The following DENND4A variants were observed in gnomAD, a reference collection of about 807,000 sequenced individuals.
DENND4A encodes the protein DENN domain containing 4A, also known as C-myc promoter-binding protein.
A neutral mutation model predicts 199.3 loss-of-function variants in DENND4A; 70 were observed. The observed-to-expected ratio is 0.35, with a 90% CI of 0.29 to 0.43. The LOEUF is 0.43. Ranked by LOEUF, DENND4A falls within the 20% of genes least tolerant of loss-of-function variation. The probability of loss-of-function intolerance (pLI) is 1.00; values close to 1 mark genes in which losing one functional copy is unlikely to be tolerated. For missense variants in DENND4A, 1,723 were observed against 2,255.8 expected (o/e 0.76, Z 4.78); for synonymous variants, 686 against 766.9 (o/e 0.89, Z 1.74).
intron 23 of DENND4A, among the ~76,000 whole-genome samples, chr15:65,686,197 C>T (rs990316563): frequency 6.6e-6 from 1 of 152,162 alleles, no homozygotes; most frequent in African/African-American, 2.4e-5. Context: ...CTTTTAAAAT[C>T]CCTCAGTAAT....
intron 22 of DENND4A, 47 bp downstream of exon 22, chr15:65,696,318 CA>C: frequency 6.3e-7 from 1 of 1,576,036 alleles, no homozygotes; most frequent in Non-Finnish European, 8.6e-7. Flanking sequence ...ACTAGTCATA[CA>C]GATACAATTT....
At chr15:65,743,603 T>G (rs1354362023) in intron 4 of DENND4A, among the ~76,000 whole-genome samples, 1 of 152,246 alleles carries the variant, frequency 6.6e-6, no homozygotes, top group Non-Finnish European at 1.5e-5. Context: ...TTAAAAGTTA[T>G]TTGTTTAAAA....
chr15:65,690,568 T>C lies in DENND4A; in HGVS notation c.4026A>G (p.Thr1342=). 1 of 1,613,728 alleles carries C rather than the reference T, an allele frequency of 6.2e-7. No homozygotes were observed. The highest frequency in any genetic ancestry group is 8.5e-7 in the Non-Finnish European group (1 of 1,179,750). ...TCPFREESQD[T]LTHSSPSFNL... Reference sequence around the variant, plus strand: ...TAAATGAAGGTGATGAGTGGGTTAATGTATCCTGAGATTCTTCCCTAAATG... The same window carrying C: ...TAAATGAAGGTGATGAGTGGGTTAACGTATCCTGAGATTCTTCCCTAAATG... Residue 1342 remains threonine (T), a synonymous_variant, in exon 23 of 33, where the codon ACA becomes ACG. Transcript: ENST00000443035.
intron 21 of DENND4A, 133 bp from the exon 22 acceptor site, chr15:65,696,630 CTGTT>C (rs771416026): frequency 3.5e-6 from 2 of 572,686 alleles, no homozygotes; most frequent in Admixed American, 3.3e-5. Context: ...ACCTCTATAT[CTGTT>C]TGTCAACCAC....
At chr15:65,790,689 AAAG>A (rs1291293424) in intron 1 of DENND4A, among the ~76,000 whole-genome samples, 1 of 152,218 alleles carries the variant, frequency 6.6e-6, no homozygotes, top group Non-Finnish European at 1.5e-5. Context: ...AGTTTCCAAA[AAAG>A]AAGCCAAATA....
In DENND4A at chr15:65,671,839, A is replaced by T; in HGVS notation, c.4417T>A (p.Ser1473Thr). Residue 1473 changes from serine to threonine, a missense_variant, in exon 25 of 33, where the codon TCC (serine) becomes ACC (threonine). Ser to Thr is a moderately conservative substitution (Grantham distance 58). Around this residue, in one of 6 missense-constraint regions of DENND4A, gnomAD observed 650 missense variants for 738.1 expected, o/e 0.88. Transcript: ENST00000443035. Reference protein sequence around the residue: ...ALPGKSEVTSSFNASNTNIFQ... With the variant: ...ALPGKSEVTSTFNASNTNIFQ... ...ATATTTGTATTACTCGCGTTGAAGG[A>T]AGATGTCACTTCTGATTTCCCAGGT... 1 of 1,613,200 alleles carries T rather than the reference A, an allele frequency of 6.2e-7. No homozygotes were observed. Among genetic ancestry groups the T allele is most frequent in the Non-Finnish European group, 8.5e-7 (1 of 1,179,154 alleles).
chr15:65,718,775 T>C (rs867962451), intron 12 of DENND4A, among the ~76,000 whole-genome samples: 2 of 125,692 alleles, frequency 1.6e-5, no homozygotes. Context: ...TTTTTTTTTT[T>C]TTTTTTTTTT....
In DENND4A at chr15:65,701,772, T is replaced by C; in HGVS notation, c.2549A>G (p.Tyr850Cys). ...GIDPNAITYG[Y>C]YNKAVLESTW... Reference sequence around the variant, plus strand: ...AACCAAGGTATTTACCTTATTATAATAACCATAAGTAATGGCATTGGGGTC... The same window carrying C: ...AACCAAGGTATTTACCTTATTATAACAACCATAAGTAATGGCATTGGGGTC... Residue 850 changes from tyrosine (Y) to cysteine (C), a missense_variant, in exon 18 of 33, where the codon TAT becomes TGT. Tyr to Cys is a radical substitution (Grantham distance 194). Coordinates refer to ENST00000443035, the MANE Select transcript of DENND4A (RefSeq NM_001320835.1). 1 of 1,613,584 alleles carries C rather than the reference T, an allele frequency of 6.2e-7. No individual in the cohort carries two copies. Among genetic ancestry groups the C allele is most frequent in the Non-Finnish European group, 8.5e-7 (1 of 1,179,584 alleles).
At chr15:65,787,543 A>G (rs1009547753) in intron 1 of DENND4A, among the ~76,000 whole-genome samples, 3 of 152,230 alleles carry the variant, frequency 2.0e-5, no homozygotes, top group Admixed American at 6.5e-5. Context: ...TTTAAAAATA[A>G]TAACGGCCAT....
intron 1 of DENND4A, chr15:65,771,589 T>C: frequency 4.3e-6 from 7 of 1,612,970 alleles, no homozygotes; most frequent in Non-Finnish European, 5.9e-6. Context: ...CATCTCCTCT[T>C]TCCTCTTCTC....
At chr15:65,683,939 G>A (rs2142003441) in intron 23 of DENND4A, among the ~76,000 whole-genome samples, 1 of 152,228 alleles carries the variant, frequency 6.6e-6, no homozygotes. Context: ...CTACAGATTT[G>A]CCTTTTCTGG....
chr15:65,779,308 T>C (rs1440753901), intron 1 of DENND4A, among the ~76,000 whole-genome samples: 3 of 151,290 alleles, frequency 2.0e-5, no homozygotes, highest in African/African-American at 7.3e-5. Context: ...ATAGAAAAAT[T>C]AGCCAGGCAT....
Position 65,691,401 on chromosome 15 carries a change from A to G in DENND4A, c.3193T>C (p.Leu1065=). 2 of 1,613,570 alleles carry G rather than the reference A, an allele frequency of 1.2e-6. No individual in the cohort carries two copies. Among genetic ancestry groups the G allele is most frequent in the Non-Finnish European group, 8.5e-7 (1 of 1,179,716 alleles). The change falls in exon 23 of 33, where the codon TTG becomes CTG. Residue 1065 remains leucine (L), a synonymous_variant. Transcript: ENST00000443035. ...KRHKSDNETN[L]QQQVVWGNRN... is the part of the protein sequence containing the mutation. ...TTTCCCCAGACCACTTGCTGCTGCAAATTAGTTTCATTGTCACTTTTATGT... is the reference window on the plus strand; with the variant it reads ...TTTCCCCAGACCACTTGCTGCTGCAGATTAGTTTCATTGTCACTTTTATGT...
At chr15:65,756,512 G>A (rs1301086748) in intron 2 of DENND4A, 40 bp from the exon 3 acceptor site, 1 of 1,433,626 alleles carries the variant, frequency 7.0e-7, no homozygotes, top group Non-Finnish European at 9.4e-7. Flanking sequence ...CCTATAATAA[G>A]CAAAATAAAT....
Position 65,700,571 on chromosome 15 carries a change from A to T in DENND4A, c.2806T>A (p.Tyr936Asn), listed in dbSNP as rs1438267464. 3 of 1,540,502 alleles carry T rather than the reference A, an allele frequency of 1.9e-6. No individual in the cohort carries two copies. The African/African-American group carries it at 4.1e-5, about 21-fold the overall frequency. The change falls in exon 20 of 33, where the codon TAT becomes AAT. Residue 936 changes from tyrosine to asparagine, a missense_variant. Physicochemically the swap from Tyr to Asn is moderately radical, Grantham distance 143. Coordinates refer to ENST00000443035, the MANE Select transcript of DENND4A (RefSeq NM_001320835.1). ...GTACTAGATCTATCATCAGTAGCAT[A>T]TACTTTGATTAAACCCGTATTAAAA... ...APFNTGLIKV[Y>N]ATDDRSSTGG...
intron 7 of DENND4A, among the ~76,000 whole-genome samples, chr15:65,736,526 A>G (rs1005475685): frequency 2.0e-5 from 3 of 151,804 alleles, no homozygotes; most frequent in Non-Finnish European, 4.4e-5. Flanking sequence ...TCAGCCTCCC[A>G]AAGTGTCGGG....
At chr15:65,702,223 T>C (rs1233499007) in intron 17 of DENND4A, 82 bp downstream of exon 17, 17 of 1,142,106 alleles carry the variant, frequency 1.5e-5, no homozygotes, top group Non-Finnish European at 2.2e-5. Flanking sequence ...GAGCCATGAC[T>C]GCATCACTGC....
intron 11 of DENND4A, among the ~76,000 whole-genome samples, chr15:65,724,381 G>T (rs1301317143): frequency 3.5e-5 from 5 of 143,332 alleles, no homozygotes; most frequent in South Asian, 2.2e-4. Context: ...TTTTTGAATC[G>T]TTTTTTTTTT....
chr15:65,690,293 T>C, intron 23 of DENND4A, 122 bp downstream of exon 23: 2 of 1,029,978 alleles, frequency 1.9e-6, no homozygotes, highest in Admixed American at 3.5e-5. Context: ...AAAACTTACA[T>C]ACCCAATGAG....
Sources: allele counts gnomAD v4.1 joint callset (sites outside exome capture counted in the v4.1 genomes callset), GRCh38; gene constraint gnomAD v4.1.1; regional missense constraint gnomAD v4.1.1; transcripts MANE v1.5; gene names NCBI Gene and HGNC (gene_info 2026-07-23, HGNC 2026-07-21).